SSPN: variants seen among roughly 807,000 people sequenced by gnomAD.
SSPN encodes sarcospan.
SSPN carries 15 observed loss-of-function variants against 19.1 expected under a neutral mutation model. The ratio of observed to expected loss-of-function variants is 0.78; its 90% confidence interval spans 0.52 to 1.21. The LOEUF (loss-of-function observed/expected upper bound fraction) is 1.21. Among genes scored for constraint, SSPN ranks in the 50% most tolerant of loss-of-function variants. The pLI is 0.00. For missense variants in SSPN, 291 were observed against 314.0 expected, an observed-to-expected ratio of 0.93 and a Z score of 0.55; for synonymous variants, 147 against 140.3, an observed-to-expected ratio of 1.05 and a Z score of -0.34.
intron 1 of SSPN, among the ~76,000 whole-genome samples, chr12:26,127,960 T>A (rs1174444522): frequency 6.6e-6 from 1 of 152,240 alleles, no homozygotes; most frequent in Non-Finnish European, 1.5e-5. Context: ...AAGAGCTTTT[T>A]ATGTATTAAG....
At chr12:26,198,176 T>C (rs7955935) in intron 1 of SSPN, among the ~76,000 whole-genome samples, 1 of 140,276 alleles carries the variant, frequency 7.1e-6, no homozygotes, top group Admixed American at 6.9e-5. Context: ...TGGGGGGGGG[T>C]TTTTGGAGAC....
intron 1 of SSPN, among the ~76,000 whole-genome samples, chr12:26,134,127 C>G (rs952572242): frequency 4.6e-5 from 7 of 152,200 alleles, no homozygotes; most frequent in Admixed American, 3.3e-4. Context: ...TCAGTCTCAT[C>G]ACTCATTTCT....
chr12:26,178,347 ATG>A lies in SSPN; in HGVS notation c.-30-45930_-30-45929del, dbSNP rs138659783. ...TAGTGTTATTATAAGGACTAAATGT[ATG>A]TGTGTGTGTGTGTGTATGTGTGTAA... On this transcript the variant is annotated intron_variant, in intron 1 of 2. Transcript: ENST00000538142. Among the ~76,000 whole-genome samples, 233 of 150,848 alleles carry A rather than the reference ATG, an allele frequency of 1.5e-3. 1 individual carries two copies. Among genetic ancestry groups the A allele is most frequent in the African/African-American group, 5.2e-3 (215 of 41,184 alleles).
intron 1 of SSPN, 81 bp from the exon 2 acceptor site, chr12:26,224,212 G>T (rs1013926187): frequency 3.8e-5 from 36 of 938,640 alleles, no homozygotes; most frequent in Non-Finnish European, 6.1e-5. Flanking sequence ...GGATGTGACT[G>T]CAGGAAGATA....
At chr12:26,184,536 A>C (rs1419680209) in intron 1 of SSPN, among the ~76,000 whole-genome samples, 1 of 152,184 alleles carries the variant, frequency 6.6e-6, no homozygotes, top group East Asian at 1.9e-4. Context: ...TAAACTTTTT[A>C]TTTACATACA....
intron 1 of SSPN, among the ~76,000 whole-genome samples, chr12:26,164,091 G>C (rs1221648402): frequency 6.6e-6 from 1 of 152,218 alleles, no homozygotes; most frequent in Non-Finnish European, 1.5e-5. Flanking sequence ...CCCGTAAGCA[G>C]ATCACTCAAC....
intron 1 of SSPN, among the ~76,000 whole-genome samples, chr12:26,144,110 G>A (rs540465705): frequency 6.6e-6 from 1 of 152,272 alleles, no homozygotes; most frequent in Admixed American, 6.5e-5. Context: ...TAATGCACTT[G>A]AATCATCCTG....
At chr12:26,216,401 G>A (rs1026324335) in intron 1 of SSPN, among the ~76,000 whole-genome samples, 32 of 150,880 alleles carry the variant, frequency 2.1e-4, no homozygotes, top group South Asian at 4.3e-4. Context: ...CATGTCCTTC[G>A]CCCACTTTTT....
chr12:26,127,050 A>C (rs1171163082), intron 1 of SSPN, among the ~76,000 whole-genome samples: 1 of 152,154 alleles, frequency 6.6e-6, no homozygotes, highest in Admixed American at 6.5e-5. Context: ...ATTGACTAAA[A>C]ATGGGAATGC....
rs1041678001 is a variant in SSPN at position 26,231,869 on chromosome 12, T to G, written c.*793T>G. On this transcript the variant is annotated 3_prime_UTR_variant, in exon 3 of 3. Coordinates refer to ENST00000242729, the MANE Select transcript of SSPN (RefSeq NM_005086.5). ...TCATTAAAACTAATTTCTAGCTAAT[T>G]GTTAATTATAATTATGCTCAGAAGT... 1.3e-5 allele frequency: 11 copies of G among 869,870 alleles called. No individual in the cohort carries two copies. Among genetic ancestry groups the G allele is most frequent in the African/African-American group, 1.8e-5 (1 of 54,974 alleles). 53.9% of individuals were successfully genotyped at this position (869,870 alleles called of 1,614,324 possible).
chr12:26,187,744 C>T (rs947080769), intron 1 of SSPN, among the ~76,000 whole-genome samples: 1 of 152,098 alleles, frequency 6.6e-6, no homozygotes, highest in Non-Finnish European at 1.5e-5. Flanking sequence ...GGAAAAGTCT[C>T]AATTACAGAA....
intron 1 of SSPN, among the ~76,000 whole-genome samples, chr12:26,176,175 G>A (rs769990994): frequency 7.2e-5 from 11 of 152,170 alleles, no homozygotes; most frequent in Non-Finnish European, 1.3e-4. Context: ...TATTTCAAAT[G>A]TAGTATTTCT....
At chr12:26,190,294 C>A (rs1475371531) in intron 1 of SSPN, among the ~76,000 whole-genome samples, 1 of 152,272 alleles carries the variant, frequency 6.6e-6, no homozygotes, top group Admixed American at 6.5e-5. Flanking sequence ...GCCTTGCTTT[C>A]TCAATCTCAG....
At chr12:26,124,655 C>T (rs1387084508) in intron 1 of SSPN, 76 of 1,612,390 alleles carry the variant, frequency 4.7e-5, no homozygotes, top group Non-Finnish European at 6.4e-5. Flanking sequence ...ATACCACTTT[C>T]TGGAGAAGAA....
chr12:26,231,877 ATAATTATGC>A lies in SSPN; in HGVS notation c.*803_*811del. The A allele has an allele frequency of 2.2e-6, 2 of 900,204 alleles. No homozygotes were observed. Among genetic ancestry groups the A allele is most frequent in the Non-Finnish European group, 1.3e-6 (1 of 752,172 alleles). 55.8% of individuals were successfully genotyped at this position (900,204 alleles called of 1,614,324 possible). ...ACTAATTTCTAGCTAATTGTTAATT[ATAATTATGC>A]TCAGAAGTCTATTTAATGAGCTCTG... is the stretch of plus-strand genomic sequence containing the variant. On this transcript the variant is annotated 3_prime_UTR_variant, in exon 3 of 3. Coordinates refer to ENST00000242729, the MANE Select transcript of SSPN (RefSeq NM_005086.5).
intron 1 of SSPN, among the ~76,000 whole-genome samples, chr12:26,138,364 A>C (rs1394506899): frequency 6.6e-6 from 1 of 152,196 alleles, no homozygotes; most frequent in Non-Finnish European, 1.5e-5. Flanking sequence ...GATTTTGTTA[A>C]ACTTTTCACC....
intron 1 of SSPN, among the ~76,000 whole-genome samples, chr12:26,144,772 T>C (rs1363499559): frequency 1.3e-5 from 2 of 152,246 alleles, no homozygotes; most frequent in Non-Finnish European, 2.9e-5. Flanking sequence ...GATGGTTTTG[T>C]AGCATGATTT....
At chr12:26,166,080 C>T (rs1944619126) in intron 1 of SSPN, among the ~76,000 whole-genome samples, 1 of 152,106 alleles carries the variant, frequency 6.6e-6, no homozygotes, top group South Asian at 2.1e-4. Context: ...AATGAGAACA[C>T]ATGAACACAG....
intron 1 of SSPN, among the ~76,000 whole-genome samples, chr12:26,133,413 C>G (rs1944407243): frequency 6.6e-6 from 1 of 152,162 alleles, no homozygotes; most frequent in Admixed American, 6.5e-5. Flanking sequence ...GACCAGGCCC[C>G]CATAATCTCT....
Sources: allele counts gnomAD v4.1 joint callset (sites outside exome capture counted in the v4.1 genomes callset), GRCh38; gene constraint gnomAD v4.1.1; transcripts MANE v1.5; gene names NCBI Gene and HGNC (gene_info 2026-07-23, HGNC 2026-07-21).